The following CBLB variants were observed in gnomAD, a reference collection of about 807,000 sequenced individuals.
CBLB encodes the protein Cbl proto-oncogene B, also known as E3 ubiquitin-protein ligase CBL-B.
CBLB carries 31 observed loss-of-function variants against 104.9 expected under a neutral mutation model. That is an observed-to-expected ratio of 0.30 (90% confidence interval 0.22 to 0.40). The LOEUF (loss-of-function observed/expected upper bound fraction) is 0.40, where lower values mean the gene tolerates loss of function less well. Ranked by LOEUF, CBLB falls within the 10% of genes least tolerant of loss-of-function variation. The probability of loss-of-function intolerance (pLI) is 1.00; values close to 1 mark genes in which losing one functional copy is unlikely to be tolerated. For missense variants in CBLB, 1,062 were observed against 1,214.6 expected (o/e 0.87, Z 1.87); for synonymous variants, 440 against 422.6 (o/e 1.04, Z -0.51).
rs147078603 is a variant in CBLB at position 105,672,503 on chromosome 3, C to A, written c.2570-2151G>T. ...GATTAGATATAACACAATTGCTACACAGAGTATAATAATTACCAATTGTCC... is the reference window on the plus strand; with the variant it reads ...GATTAGATATAACACAATTGCTACAAAGAGTATAATAATTACCAATTGTCC... On this transcript the variant is annotated intron_variant, in intron 17 of 18. Transcript: ENST00000394030. The A allele has an allele frequency of 3.2e-4, 53 of 164,416 alleles. No individual in the cohort carries two copies. In the East Asian group the frequency reaches 6.7e-3, roughly 21 times the overall value. The allele number at this position is 164,416 out of a possible 1,614,324, so 10.2% of individuals were successfully genotyped here. A position where few individuals can be genotyped will look rare whatever the true frequency, so the allele number is the denominator to read the frequency against.
At chr3:105,834,385 G>A (rs558018016) in intron 3 of CBLB, among the ~76,000 whole-genome samples, 1 of 152,150 alleles carries the variant, frequency 6.6e-6, no homozygotes, top group Non-Finnish European at 1.5e-5. Context: ...GGCTGGACAC[G>A]GTAGCTCATG....
intron 13 of CBLB, among the ~76,000 whole-genome samples, chr3:105,688,550 T>C (rs2067284028): frequency 6.6e-6 from 1 of 152,078 alleles, no homozygotes; most frequent in Non-Finnish European, 1.5e-5. Flanking sequence ...CCTTTAATAG[T>C]ATCTGAAGGC....
At chr3:105,740,021 T>C (rs1177091321) in intron 7 of CBLB, among the ~76,000 whole-genome samples, 2 of 152,186 alleles carry the variant, frequency 1.3e-5, no homozygotes, top group Admixed American at 6.5e-5. Context: ...GGGAATCCCT[T>C]GAACCCAGGA....
intron 8 of CBLB, among the ~76,000 whole-genome samples, chr3:105,734,920 A>T (rs1229929587): frequency 4.6e-5 from 7 of 152,242 alleles, no homozygotes; most frequent in Non-Finnish European, 1.0e-4. Flanking sequence ...TCAAAATTCA[A>T]ATACTGAAAA....
At chr3:105,694,900 A>C (rs1483284251) in intron 12 of CBLB, among the ~76,000 whole-genome samples, 1 of 151,826 alleles carries the variant, frequency 6.6e-6, no homozygotes, top group East Asian at 1.9e-4. Context: ...AGTGTTCTGA[A>C]GTGTGCCAGA....
intron 4 of CBLB, among the ~76,000 whole-genome samples, chr3:105,757,895 T>C (rs1302309936): frequency 2.6e-5 from 4 of 152,226 alleles, no homozygotes; most frequent in Admixed American, 2.0e-4. Flanking sequence ...TTTATGTAAA[T>C]GTTGTCAGAA....
chr3:105,786,063 G>GT (rs1553794665), intron 3 of CBLB, among the ~76,000 whole-genome samples: 2 of 133,942 alleles, frequency 1.5e-5, no homozygotes, highest in Admixed American at 8.2e-5. Flanking sequence ...GAGAGGATCG[G>GT]GGGGGGGAAA....
At chr3:105,762,348 C>T (rs2077724230) in intron 4 of CBLB, 1 of 152,160 alleles carries the variant, frequency 6.6e-6, no homozygotes, top group Non-Finnish European at 1.5e-5. Context: ...AAAATGTCTC[C>T]AGGGCATGTC....
chr3:105,807,782 C>T (rs985593289), intron 3 of CBLB, among the ~76,000 whole-genome samples: 1 of 152,068 alleles, frequency 6.6e-6, no homozygotes, highest in African/African-American at 2.4e-5. Flanking sequence ...GAAGTAGAAT[C>T]GTATATATCA....
intron 3 of CBLB, among the ~76,000 whole-genome samples, chr3:105,806,339 C>T (rs965430135): frequency 6.6e-6 from 1 of 152,080 alleles, no homozygotes; most frequent in African/African-American, 2.4e-5. Context: ...GTATTTACCA[C>T]TGAAATGAAA....
At position 105,659,108 on chromosome 3, in the gene CBLB, T is replaced by C. The variant is rs763790989; in HGVS notation, c.2811A>G (p.Ala937=). ...AALENVDAKI[A]KLMGEGYAFE... ...AGGCATAACCCTCTCCCATGAGTTT[T>C]GCAATTTTTGCATCGACATTTTCCA... Residue 937 remains alanine, a synonymous_variant, in exon 19 of 19, where the codon GCA becomes GCG. Transcript: ENST00000394030. The C allele has an allele frequency of 1.8e-5, 29 of 1,613,926 alleles. No homozygotes were observed. The highest frequency in any genetic ancestry group is 1.6e-4 in the Middle Eastern group (1 of 6,082).
chr3:105,846,724 C>G (rs1205147779), intron 3 of CBLB, among the ~76,000 whole-genome samples: 2 of 152,066 alleles, frequency 1.3e-5, no homozygotes, highest in Non-Finnish European at 2.9e-5. Flanking sequence ...TTAAACAGCA[C>G]TTTTTTCATT....
intron 3 of CBLB, among the ~76,000 whole-genome samples, chr3:105,822,402 C>G (rs9876110): frequency 0.11 from 17,382 of 152,148 alleles, 1,111 homozygotes; most frequent in African/African-American, 0.16. Flanking sequence ...CTATGTCTTT[C>G]CATGGCTGGT....
chr3:105,867,924 C>T (rs1317155583), intron 1 of CBLB, among the ~76,000 whole-genome samples: 1 of 151,812 alleles, frequency 6.6e-6, no homozygotes, highest in Non-Finnish European at 1.5e-5. Context: ...GTTTCCCCCA[C>T]CTAGATAAAA....
At chr3:105,679,414 C>G (rs1451349474) in intron 16 of CBLB, among the ~76,000 whole-genome samples, 2 of 141,300 alleles carry the variant, frequency 1.4e-5, no homozygotes, top group African/African-American at 5.3e-5. Context: ...ACAGGGTATA[C>G]ATAAACACAT....
In CBLB at chr3:105,659,197, G is replaced by C; in HGVS notation, c.2722C>G (p.Pro908Ala). 6.2e-7 allele frequency: 1 copy of C among 1,613,956 alleles called. No homozygotes were observed. Among genetic ancestry groups the C allele is most frequent in the Non-Finnish European group, 8.5e-7 (1 of 1,179,912 alleles). The change falls in exon 19 of 19, where the codon CCA becomes GCA. Residue 908 changes from proline (P) to alanine (A), a missense_variant. Pro to Ala is a conservative substitution (Grantham distance 27). Transcript: ENST00000394030. ...TCTGGTGCAGTCCTGCGCGGTCGTG[G>C]TTTAGGGGGTCTGGCTGGTGCCTGT... ...GSQAPARPPK[P>A]RPRRTAPEIH...
intron 10 of CBLB, among the ~76,000 whole-genome samples, chr3:105,716,543 G>A (rs1156238797): frequency 2.0e-5 from 3 of 152,060 alleles, no homozygotes; most frequent in Non-Finnish European, 4.4e-5. Flanking sequence ...AAAGAATTAT[G>A]CTTGTATCTA....
intron 3 of CBLB, among the ~76,000 whole-genome samples, chr3:105,797,688 A>C (rs9837243): frequency 0.17 from 26,129 of 152,198 alleles, 2,626 homozygotes; most frequent in Admixed American, 0.28. Flanking sequence ...GTTGTCCAAT[A>C]AAATGCTTTT....
chr3:105,865,809 C>A (rs2092395193), intron 2 of CBLB, among the ~76,000 whole-genome samples: 1 of 152,116 alleles, frequency 6.6e-6, no homozygotes, highest in African/African-American at 2.4e-5. Context: ...TTTATAGAAT[C>A]TGAACCATTT....
Sources: gnomAD v4.1 joint callset for allele counts (sites outside exome capture counted in the v4.1 genomes callset) on GRCh38, gnomAD v4.1.1 for gene constraint, MANE v1.5 for transcripts, NCBI Gene and HGNC (gene_info 2026-07-23, HGNC 2026-07-21) for gene names.